The following NAV2 variants were observed in gnomAD, a reference collection of about 807,000 sequenced individuals.
NAV2 encodes neuron navigator 2.
NAV2 carries 54 observed loss-of-function variants against 223.2 expected under a neutral mutation model. That is an observed-to-expected ratio of 0.24 (90% CI 0.19 to 0.30). The LOEUF is 0.30. NAV2 is among the 10% of genes least tolerant of loss of function. The pLI is 1.00. For missense variants in NAV2, 2,806 were observed against 3,147.5 expected, an observed-to-expected ratio of 0.89 and a Z score of 2.60; for synonymous variants, 1,279 against 1,239.3, an observed-to-expected ratio of 1.03 and a Z score of -0.67.
chr11:19,589,666 G>T (rs1419356326), intron 1 of NAV2, among the ~76,000 whole-genome samples: 1 of 152,188 alleles, frequency 6.6e-6, no homozygotes, highest in Non-Finnish European at 1.5e-5. Context: ...AGCAGCAGGT[G>T]GGAAGTGAGG....
chr11:19,613,521 T>C (rs758982743), intron 1 of NAV2, among the ~76,000 whole-genome samples: 2 of 152,146 alleles, frequency 1.3e-5, no homozygotes. Context: ...AGCCATCTCA[T>C]GCCCTAATCA....
At chr11:19,789,821 G>C (rs1042358982) in intron 1 of NAV2, among the ~76,000 whole-genome samples, 2 of 152,194 alleles carry the variant, frequency 1.3e-5, no homozygotes, top group Non-Finnish European at 2.9e-5. Flanking sequence ...TTCTGGACCA[G>C]ACTCGGCTGT....
intron 11 of NAV2, chr11:20,027,682 C>T (rs2055244525): frequency 6.5e-6 from 1 of 153,772 alleles, no homozygotes. Context: ...CATCTCTGCT[C>T]ACCGGCTGTG....
At chr11:19,361,455 G>T (rs541925920) in intron 1 of NAV2, among the ~76,000 whole-genome samples, 48 of 152,126 alleles carry the variant, frequency 3.2e-4, no homozygotes, top group Non-Finnish European at 5.7e-4. Context: ...TGACTTCTTG[G>T]TCTATCTAGC....
At chr11:19,560,194 C>T (rs1005420861) in intron 1 of NAV2, among the ~76,000 whole-genome samples, 4 of 152,074 alleles carry the variant, frequency 2.6e-5, no homozygotes, top group African/African-American at 9.7e-5. Context: ...GTGATTTCTC[C>T]ACTTAAAAAG....
rs1554945487 is a variant in NAV2, at chr11:19,484,158, A to ACACACACC, written c.75+133132_75+133133insACACACCC. On this transcript the variant is annotated intron_variant, in intron 1 of 37. Coordinates refer to the NAV2 transcript ENST00000360655. ...CACACACACACACACACACACACAC[A>ACACACACC]CCCCAAGTCTCAGAGCTTTCCAAGA... Among the ~76,000 whole-genome samples, 701 of 150,052 alleles carry ACACACACC rather than the reference A, an allele frequency of 4.7e-3. 2 individuals are homozygous for ACACACACC. Among genetic ancestry groups the ACACACACC allele is most frequent in the Non-Finnish European group, 7.6e-3 (512 of 67,366 alleles).
intron 4 of NAV2, among the ~76,000 whole-genome samples, chr11:19,876,453 T>A (rs187723079): frequency 6.6e-6 from 1 of 152,284 alleles, no homozygotes; most frequent in East Asian, 1.9e-4. Context: ...AATCTCAAAG[T>A]GTATAAACGA....
chr11:19,874,373 G>A (rs914164930), intron 4 of NAV2, among the ~76,000 whole-genome samples: 1 of 152,200 alleles, frequency 6.6e-6, no homozygotes, highest in South Asian at 2.1e-4. Flanking sequence ...TCCAGGTTGG[G>A]TTTAGCCACA....
At chr11:19,687,676 GA>G (rs1229316943) in intron 1 of NAV2, among the ~76,000 whole-genome samples, 3 of 152,178 alleles carry the variant, frequency 2.0e-5, no homozygotes, top group African/African-American at 7.2e-5. Flanking sequence ...ATGAACACAA[GA>G]TGTACTAAAC....
chr11:19,646,501 C>G (rs879531498), intron 1 of NAV2, among the ~76,000 whole-genome samples: 2 of 152,130 alleles, frequency 1.3e-5, no homozygotes, highest in African/African-American at 4.8e-5. Flanking sequence ...ATGACCACAT[C>G]TGAGCTGAGG....
At chr11:19,444,557 C>G (rs1373767896) in intron 1 of NAV2, among the ~76,000 whole-genome samples, 1 of 152,074 alleles carries the variant, frequency 6.6e-6, no homozygotes, top group Non-Finnish European at 1.5e-5. Context: ...AGAACCGGCC[C>G]CCCACTGCCC....
At chr11:20,052,726 T>C (rs569165584) in intron 17 of NAV2, among the ~76,000 whole-genome samples, 1 of 152,286 alleles carries the variant, frequency 6.6e-6, no homozygotes, top group Non-Finnish European at 1.5e-5. Flanking sequence ...GTAAAAACAT[T>C]AAGGAGAAAA....
chr11:19,859,325 A>C (rs538509043), intron 3 of NAV2, among the ~76,000 whole-genome samples: 1 of 150,022 alleles, frequency 6.7e-6, no homozygotes, highest in African/African-American at 2.5e-5. Flanking sequence ...ACTTGAGATT[A>C]GGGAGTGGTG....
At chr11:19,782,203 A>G (rs2056801463) in intron 1 of NAV2, among the ~76,000 whole-genome samples, 1 of 152,226 alleles carries the variant, frequency 6.6e-6, no homozygotes, top group Non-Finnish European at 1.5e-5. Flanking sequence ...ATATACAGGA[A>G]TAGTTCCATA....
intron 1 of NAV2, among the ~76,000 whole-genome samples, chr11:19,483,779 T>G (rs547738493): frequency 6.6e-6 from 1 of 152,326 alleles, no homozygotes; most frequent in South Asian, 2.1e-4. Flanking sequence ...ATCCACAGTT[T>G]CAGGCAACCA....
intron 1 of NAV2, among the ~76,000 whole-genome samples, chr11:19,724,081 A>C (rs997985380): frequency 6.6e-6 from 1 of 152,224 alleles, no homozygotes; most frequent in Non-Finnish European, 1.5e-5. Context: ...GACTTAGGAC[A>C]TCTGAGCCAG....
At chr11:19,940,029 T>G (rs988497719) in intron 8 of NAV2, among the ~76,000 whole-genome samples, 1 of 152,142 alleles carries the variant, frequency 6.6e-6, no homozygotes, top group Admixed American at 6.5e-5. Context: ...CAAATCCTAT[T>G]TTTAAGATAC....
chr11:19,540,149 G>C (rs562677397), intron 1 of NAV2, among the ~76,000 whole-genome samples: 44 of 152,180 alleles, frequency 2.9e-4, no homozygotes, highest in African/African-American at 1.1e-3. Flanking sequence ...GCAGAGCCAG[G>C]GGGCCCCGCC....
intron 37 of NAV2, among the ~76,000 whole-genome samples, chr11:20,115,827 G>A (rs1261213057): frequency 6.6e-6 from 1 of 152,022 alleles, no homozygotes; most frequent in African/African-American, 2.4e-5. Flanking sequence ...GTGGGAGGAG[G>A]GCTTGAGCCT....
Sources: allele counts gnomAD v4.1 joint callset (sites outside exome capture counted in the v4.1 genomes callset), GRCh38; gene constraint gnomAD v4.1.1; transcripts MANE v1.5; gene names NCBI Gene and HGNC (gene_info 2026-07-23, HGNC 2026-07-21).